SPOCK3: variants seen among roughly 807,000 people sequenced by gnomAD.
The protein encoded by SPOCK3 is testican-3.
SPOCK3 carries 30 observed loss-of-function variants against 56.6 expected under a neutral mutation model. The ratio of observed to expected loss-of-function variants is 0.53; its 90% confidence interval spans 0.40 to 0.72. SPOCK3 has a LOEUF of 0.72. Among genes scored for constraint, SPOCK3 ranks in the 30% least tolerant of loss-of-function variants. SPOCK3 has a pLI of 0.00. For synonymous variants in SPOCK3, 196 were observed against 183.3 expected (o/e 1.07, Z -0.56); for missense variants, 527 against 530.0 (o/e 0.99, Z 0.06).
At chr4:166,755,454 A>T (rs1242811143) in intron 7 of SPOCK3, among the ~76,000 whole-genome samples, 2 of 152,046 alleles carry the variant, frequency 1.3e-5, no homozygotes, top group African/African-American at 4.8e-5. Flanking sequence ...GACCTCACGA[A>T]CCTCAGTTTC....
intron 2 of SPOCK3, among the ~76,000 whole-genome samples, chr4:167,121,943 G>A (rs1761895490): frequency 6.6e-6 from 1 of 151,974 alleles, no homozygotes; most frequent in African/African-American, 2.4e-5. Flanking sequence ...CATAATGTCA[G>A]ATAACTGCAA....
chr4:166,951,870 C>A (rs1742670663), intron 4 of SPOCK3, among the ~76,000 whole-genome samples: 1 of 151,990 alleles, frequency 6.6e-6, no homozygotes, highest in Admixed American at 6.6e-5. Context: ...AGGCCTTTGA[C>A]AAAATTCAAC....
chr4:167,056,278 C>T (rs1344005694), intron 3 of SPOCK3, among the ~76,000 whole-genome samples: 1 of 151,808 alleles, frequency 6.6e-6, no homozygotes, highest in Non-Finnish European at 1.5e-5. Flanking sequence ...AAACAGAAAC[C>T]CATCTGTACA....
At chr4:166,801,392 A>G (rs1026285444) in intron 6 of SPOCK3, among the ~76,000 whole-genome samples, 2 of 152,142 alleles carry the variant, frequency 1.3e-5, no homozygotes, top group Non-Finnish European at 2.9e-5. Flanking sequence ...ACAACACATG[A>G]CCGTATATGG....
At chr4:166,803,118 C>T (rs1328533656) in intron 6 of SPOCK3, among the ~76,000 whole-genome samples, 1 of 152,122 alleles carries the variant, frequency 6.6e-6, no homozygotes, top group Non-Finnish European at 1.5e-5. Context: ...TTATTTCAGT[C>T]TGAGTGTGCT....
intron 8 of SPOCK3, among the ~76,000 whole-genome samples, chr4:166,748,606 C>G (rs1473590261): frequency 7.3e-6 from 1 of 136,716 alleles, no homozygotes; most frequent in African/African-American, 3.1e-5. Context: ...ACACCAAAAG[C>G]AATGGCAACA....
chr4:166,857,539 T>A (rs974377992), intron 6 of SPOCK3, among the ~76,000 whole-genome samples: 6 of 152,212 alleles, frequency 3.9e-5, no homozygotes, highest in African/African-American at 1.2e-4. Context: ...CCAAACTTGT[T>A]CAACAAATAA....
intron 2 of SPOCK3, among the ~76,000 whole-genome samples, chr4:167,212,259 C>T (rs1026632174): frequency 2.7e-5 from 4 of 149,974 alleles, no homozygotes; most frequent in African/African-American, 7.4e-5. Context: ...TTTTTTGAAA[C>T]AGAGTTTCTT....
chr4:166,993,776 G>A (rs1479151404), intron 4 of SPOCK3, among the ~76,000 whole-genome samples: 1 of 152,180 alleles, frequency 6.6e-6, no homozygotes, highest in Non-Finnish European at 1.5e-5. Context: ...TGGGCACAAA[G>A]ATGCAAGCAT....
chr4:167,233,107 C>T (rs572772276), intron 2 of SPOCK3, among the ~76,000 whole-genome samples: 1 of 152,284 alleles, frequency 6.6e-6, no homozygotes, highest in South Asian at 2.1e-4. Context: ...GGGCGGCCTC[C>T]TCACTGGGAC....
At chr4:166,998,640 C>A (rs780923253) in intron 4 of SPOCK3, among the ~76,000 whole-genome samples, 1 of 152,060 alleles carries the variant, frequency 6.6e-6, no homozygotes, top group Non-Finnish European at 1.5e-5. Flanking sequence ...ATATTAACTG[C>A]GACGTCTTTG....
intron 2 of SPOCK3, among the ~76,000 whole-genome samples, chr4:167,115,047 TAAG>T (rs1416873613): frequency 7.9e-5 from 12 of 152,090 alleles, no homozygotes; most frequent in African/African-American, 1.2e-4. Context: ...CTGGAGCCTA[TAAG>T]AAGATTATAT....
chr4:167,034,332 CA>C (rs533826668), intron 3 of SPOCK3, among the ~76,000 whole-genome samples: 24 of 144,708 alleles, frequency 1.7e-4, no homozygotes, highest in Middle Eastern at 3.6e-3. Flanking sequence ...ATCAAAATAA[CA>C]AAAAAAAAAG....
chr4:167,080,878 C>CTTTTTTTT (rs766090610), intron 2 of SPOCK3, among the ~76,000 whole-genome samples: 8 of 129,042 alleles, frequency 6.2e-5, no homozygotes, highest in Non-Finnish European at 6.6e-5. Context: ...CTCTTTCTTT[C>CTTTTTTTT]TTTTTTTTTT....
intron 5 of SPOCK3, among the ~76,000 whole-genome samples, chr4:166,891,860 A>G (rs1734823931): frequency 6.6e-6 from 1 of 152,020 alleles, no homozygotes; most frequent in Non-Finnish European, 1.5e-5. Flanking sequence ...CAAAGCCAAA[A>G]GTCAATATTA....
At chr4:167,055,756 C>T (rs1304252299) in intron 3 of SPOCK3, among the ~76,000 whole-genome samples, 1 of 152,170 alleles carries the variant, frequency 6.6e-6, no homozygotes, top group African/African-American at 2.4e-5. Flanking sequence ...GGGGAGGGAG[C>T]CCGCCATTGC....
At chr4:166,786,903 T>A (rs185831734) in intron 7 of SPOCK3, among the ~76,000 whole-genome samples, 3 of 152,210 alleles carry the variant, frequency 2.0e-5, no homozygotes, top group Non-Finnish European at 4.4e-5. Flanking sequence ...AGTGCTGAAT[T>A]TTTAAGATTA....
chr4:167,205,582 T>A (rs1238643570), intron 2 of SPOCK3, among the ~76,000 whole-genome samples: 20 of 86,036 alleles, frequency 2.3e-4, no homozygotes, highest in African/African-American at 9.4e-4. Flanking sequence ...TATAATATAA[T>A]ATAAAATATA....
intron 2 of SPOCK3, among the ~76,000 whole-genome samples, chr4:167,206,837 T>C (rs962519332): frequency 4.6e-5 from 7 of 152,146 alleles, no homozygotes; most frequent in South Asian, 4.1e-4. Context: ...AGCTGCCAAT[T>C]TGAAAGTAGT....
Sources: gnomAD v4.1 joint callset for allele counts (sites outside exome capture counted in the v4.1 genomes callset) on GRCh38, gnomAD v4.1.1 for gene constraint, MANE v1.5 for transcripts, NCBI Gene and HGNC (gene_info 2026-07-23, HGNC 2026-07-21) for gene names.